Variants in SWT1 observed in about 807,000 individuals in gnomAD.
SWT1 encodes transcriptional protein SWT1.
Under a neutral mutation model 107.3 loss-of-function variants are expected in SWT1, and 33 were observed. That is an observed-to-expected ratio of 0.31 (90% CI 0.23 to 0.41). The LOEUF (loss-of-function observed/expected upper bound fraction) is 0.41. Ranked by LOEUF, SWT1 falls within the 10% of genes least tolerant of loss-of-function variation. The pLI, the probability that SWT1 is intolerant of heterozygous loss-of-function variation, is 1.00. For synonymous variants in SWT1, 345 were observed against 348.3 expected (o/e 0.99, Z 0.11); for missense variants, 898 against 1,028.9 (o/e 0.87, Z 1.74).
At chr1:185,209,037 G>A (rs1164090343) in intron 13 of SWT1, among the ~76,000 whole-genome samples, 1 of 152,090 alleles carries the variant, frequency 6.6e-6, no homozygotes, top group Non-Finnish European at 1.5e-5. Context: ...AGAATGTCTA[G>A]TGATAAACCC....
At chr1:185,230,116 A>G (rs745809514) in intron 15 of SWT1, among the ~76,000 whole-genome samples, 13 of 152,242 alleles carry the variant, frequency 8.5e-5, no homozygotes, top group Non-Finnish European at 1.6e-4. Context: ...ACAGTTATAA[A>G]AGGAATACTT....
chr1:185,189,783 T>C (rs997432811), intron 9 of SWT1, among the ~76,000 whole-genome samples: 1 of 151,132 alleles, frequency 6.6e-6, no homozygotes, highest in South Asian at 2.1e-4. Flanking sequence ...AAGTTTTCTT[T>C]CTTTTATATG....
chr1:185,227,478 T>C (rs1660159563), intron 15 of SWT1: 1 of 577,018 alleles, frequency 1.7e-6, no homozygotes, highest in Non-Finnish European at 3.2e-6. Context: ...CTGTGCAGAC[T>C]ATCATATCCC....
chr1:185,221,833 A>G lies in SWT1; in HGVS notation c.2122-16A>G, dbSNP rs374302278. Reference sequence around the variant, plus strand: ...TGAAGAACTAGCTGCATTTTATGTAATTCTTATTTCCCCAGGTCAAGACAA... The same window carrying G: ...TGAAGAACTAGCTGCATTTTATGTAGTTCTTATTTCCCCAGGTCAAGACAA... On this transcript the variant is annotated splice_polypyrimidine_tract_variant and intron_variant, in intron 14 of 18. Coordinates refer to ENST00000367500, the MANE Select transcript of SWT1 (RefSeq NM_017673.7). The G allele has an allele frequency of 4.5e-5, 69 of 1,522,756 alleles. No homozygotes were observed. The highest frequency in any genetic ancestry group is 6.0e-5 in the Non-Finnish European group (68 of 1,136,988). The allele number at this position is 1,522,756 out of a possible 1,614,324, so 94.3% of individuals were successfully genotyped here.
intron 18 of SWT1, among the ~76,000 whole-genome samples, chr1:185,280,682 A>T (rs969518605): frequency 6.6e-6 from 1 of 152,170 alleles, no homozygotes; most frequent in Non-Finnish European, 1.5e-5. Context: ...ATAATCCATC[A>T]TGCCTACAGG....
At chr1:185,199,978 CTTCAT>C (rs1242286682) in intron 10 of SWT1, among the ~76,000 whole-genome samples, 1 of 151,918 alleles carries the variant, frequency 6.6e-6, no homozygotes, top group Non-Finnish European at 1.5e-5. Context: ...TGTCTTAAGG[CTTCAT>C]TTCATTAAGT....
At chr1:185,263,907 G>A (rs1244966302) in intron 16 of SWT1, 1 of 152,196 alleles carries the variant, frequency 6.6e-6, no homozygotes, top group Non-Finnish European at 1.5e-5. Context: ...CTGGAGATAA[G>A]GGCTTCAACA....
intron 16 of SWT1, among the ~76,000 whole-genome samples, chr1:185,267,191 T>C (rs1663468821): frequency 6.6e-6 from 1 of 152,206 alleles, no homozygotes; most frequent in African/African-American, 2.4e-5. Flanking sequence ...ACAGCTAATA[T>C]TTATTGAGCA....
At chr1:185,183,239 A>G (rs1395378476) in intron 7 of SWT1, among the ~76,000 whole-genome samples, 1 of 151,806 alleles carries the variant, frequency 6.6e-6, no homozygotes, top group Non-Finnish European at 1.5e-5. Flanking sequence ...GTCCTATGCA[A>G]TAACAATGCT....
chr1:185,234,697 T>C (rs1660737919), intron 16 of SWT1, among the ~76,000 whole-genome samples: 1 of 152,212 alleles, frequency 6.6e-6, no homozygotes, highest in African/African-American at 2.4e-5. Flanking sequence ...GTGCAGTTTC[T>C]TCATAGTGTC....
In SWT1 at chr1:185,201,230, G is replaced by A. The variant is rs117468147; in HGVS notation, c.1524-1424G>A. Among the ~76,000 whole-genome samples the A allele has an allele frequency of 5.9e-3, 892 of 152,172 alleles. 30 individuals carry two copies. The East Asian group carries it at 0.095, about 16-fold the overall frequency. ...ACGGAGCTAGACCACTTGGCTCTGT[G>A]GCTTCAGTGCCCACTTCCAGGGGAG... On this transcript the variant is annotated intron_variant, in intron 10 of 18. Transcript: ENST00000367500.
intron 16 of SWT1, among the ~76,000 whole-genome samples, chr1:185,253,545 A>G (rs908107240): frequency 4.0e-5 from 6 of 149,592 alleles, no homozygotes; most frequent in South Asian, 2.1e-4. Flanking sequence ...CTTTGAAGCA[A>G]TTGTGAATGG....
intron 15 of SWT1, chr1:185,227,589 T>C (rs1036736956): frequency 5.9e-6 from 3 of 509,096 alleles, no homozygotes; most frequent in African/African-American, 2.0e-5. Context: ...TATCCTATTA[T>C]CACCAAGCGT....
chr1:185,208,212 G>C (rs146197786), intron 13 of SWT1, among the ~76,000 whole-genome samples: 1 of 152,138 alleles, frequency 6.6e-6, no homozygotes, highest in East Asian at 1.9e-4. Flanking sequence ...AATCTTCATA[G>C]AAGCTAGGAA....
At position 185,222,028 on chromosome 1, in the gene SWT1, T is replaced by C; in HGVS notation, c.2301T>C (p.Tyr767=). ...SILESVWITI[Y]QNSTDVFQRL... ...TAGAGAGTGTTTGGATTACAATATA[T>C]CAGAACAGGTACTAAATTTGGGGGA... Residue 767 remains tyrosine, a synonymous_variant, in exon 15 of 19, where the codon TAT becomes TAC. Coordinates refer to ENST00000367500, the MANE Select transcript of SWT1 (RefSeq NM_017673.7). The C allele has an allele frequency of 6.5e-7, 1 of 1,540,978 alleles. No individual in the cohort carries two copies.
At chr1:185,271,865 A>T (rs1244674012) in intron 17 of SWT1, among the ~76,000 whole-genome samples, 2 of 152,096 alleles carry the variant, frequency 1.3e-5, no homozygotes, top group Admixed American at 6.5e-5. Context: ...GACATATTCA[A>T]TTTTTTCTTT....
intron 6 of SWT1, among the ~76,000 whole-genome samples, chr1:185,181,039 G>A (rs1052210138): frequency 1.3e-5 from 2 of 152,148 alleles, no homozygotes; most frequent in East Asian, 1.9e-4. Context: ...AGGCCAAGGC[G>A]GGTGGAGTAC....
intron 16 of SWT1, among the ~76,000 whole-genome samples, chr1:185,233,918 G>T (rs1660677513): frequency 6.6e-6 from 1 of 151,950 alleles, no homozygotes; most frequent in African/African-American, 2.4e-5. Context: ...TAATTTTTTT[G>T]TATTTTTAGT....
chr1:185,290,529 A>G (rs529612027), intron 18 of SWT1, 145 bp from the exon 19 acceptor site: 13 of 427,568 alleles, frequency 3.0e-5, no homozygotes, highest in Non-Finnish European at 4.8e-5. Context: ...CCATTCTACA[A>G]TATATACCTA....
Sources: gnomAD v4.1 joint callset for allele counts (sites outside exome capture counted in the v4.1 genomes callset) on GRCh38, gnomAD v4.1.1 for gene constraint, MANE v1.5 for transcripts, NCBI Gene and HGNC (gene_info 2026-07-23, HGNC 2026-07-21) for gene names.